The following ANXA6 variants were observed in gnomAD, a reference collection of about 807,000 sequenced individuals.
The protein encoded by ANXA6 is 67 kDa calelectrin.
In ANXA6, 71 loss-of-function variants were observed where a neutral mutation model predicts 95.4. The observed-to-expected ratio is 0.74, with a 90% confidence interval of 0.61 to 0.91. ANXA6 has a LOEUF of 0.91. Among genes scored for constraint, ANXA6 ranks in the 40% least tolerant of loss-of-function variants. The pLI is 0.00. For synonymous variants in ANXA6, 289 were observed against 315.9 expected (o/e 0.91, Z 0.90); for missense variants, 830 against 876.4 (o/e 0.95, Z 0.67).
Position 151,129,466 on chromosome 5 carries a change from G to T in ANXA6, c.859C>A (p.Leu287Ile). The change falls in exon 12 of 26, where the codon CTC becomes ATC. Residue 287 changes from leucine to isoleucine, a missense_variant. By Grantham distance (5) the Leu-to-Ile change is conservative. Coordinates refer to ENST00000354546, the MANE Select transcript of ANXA6 (RefSeq NM_001155.5). Reference sequence around the variant, plus strand: ...GTCCGGAAGATCTCCCGAATGTCGAGCATGTCCAACTCACTACGGGAGACC... The same window carrying T: ...GTCCGGAAGATCTCCCGAATGTCGATCATGTCCAACTCACTACGGGAGACC... ...IMVSRSELDM[L>I]DIREIFRTKY... 3 of 1,613,172 alleles carry T rather than the reference G, an allele frequency of 1.9e-6. No individual in the cohort carries two copies. The highest frequency in any genetic ancestry group is 2.2e-5 in the South Asian group (2 of 90,916).
intron 13 of ANXA6, among the ~76,000 whole-genome samples, chr5:151,127,595 G>A (rs543807187): frequency 6.6e-6 from 1 of 152,228 alleles, no homozygotes; most frequent in South Asian, 2.1e-4. Context: ...GGGTCTCACC[G>A]TGTATCTCCA....
At chr5:151,133,802 C>T (rs550923602) in intron 8 of ANXA6, among the ~76,000 whole-genome samples, 4 of 152,308 alleles carry the variant, frequency 2.6e-5, no homozygotes, top group South Asian at 2.1e-4. Flanking sequence ...AAGTACTTCC[C>T]GATGCCCCCA....
At chr5:151,136,200 G>A (rs1298663102) in intron 7 of ANXA6, 56 bp downstream of exon 7, 14 of 1,559,516 alleles carry the variant, frequency 9.0e-6, no homozygotes, top group Non-Finnish European at 1.2e-5. Context: ...ACACCCAGAT[G>A]AGCCAGACAA....
At chr5:151,152,312 T>G (rs960258169) in intron 1 of ANXA6, among the ~76,000 whole-genome samples, 1 of 152,230 alleles carries the variant, frequency 6.6e-6, no homozygotes, top group Admixed American at 6.5e-5. Flanking sequence ...AATGGTGGCT[T>G]TTATTATAAT....
At chr5:151,149,921 C>A (rs1766067941) in intron 1 of ANXA6, among the ~76,000 whole-genome samples, 1 of 152,202 alleles carries the variant, frequency 6.6e-6, no homozygotes, top group East Asian at 1.9e-4. Flanking sequence ...AAGTTTGAGA[C>A]CAGCCTGGCC....
chr5:151,125,671 G>A (rs1407039710), intron 14 of ANXA6, among the ~76,000 whole-genome samples: 2 of 152,128 alleles, frequency 1.3e-5, no homozygotes, highest in Non-Finnish European at 2.9e-5. Context: ...TTCACTCTGT[G>A]GAGTTCAGCG....
chr5:151,152,202 G>A lies in ANXA6; in HGVS notation c.-25-4276C>T, dbSNP rs189995701. ...AAACTGAATCTCAATTTCCACATCC[G>A]CAAAATGCAGATAGAAATACCTATA... is the stretch of plus-strand genomic sequence containing the variant. On this transcript the variant is annotated intron_variant, in intron 1 of 25. Coordinates refer to ENST00000354546, the MANE Select transcript of ANXA6 (RefSeq NM_001155.5). Among the ~76,000 whole-genome samples, 378 of 152,336 alleles carry A rather than the reference G, an allele frequency of 2.5e-3. 2 individuals are homozygous for A. The highest frequency in any genetic ancestry group is 5.1e-3 in the Admixed American group (78 of 15,294).
At chr5:151,153,509 T>A (rs186010467) in intron 1 of ANXA6, among the ~76,000 whole-genome samples, 1 of 152,320 alleles carries the variant, frequency 6.6e-6, no homozygotes, top group Admixed American at 6.5e-5. Flanking sequence ...TTTGACTGGC[T>A]TTGGTCAACC....
intron 24 of ANXA6, among the ~76,000 whole-genome samples, chr5:151,104,644 G>A (rs994687458): frequency 6.6e-6 from 1 of 152,192 alleles, no homozygotes; most frequent in Non-Finnish European, 1.5e-5. Context: ...AGGGTCTCAG[G>A]TTCCTTCCTA....
chr5:151,120,404 G>A (rs1396463963), intron 17 of ANXA6, among the ~76,000 whole-genome samples: 2 of 137,008 alleles, frequency 1.5e-5, no homozygotes, highest in African/African-American at 5.6e-5. Flanking sequence ...CAAGGTGCTG[G>A]GGCTACAACT....
At chr5:151,147,290 C>G (rs1157281790) in intron 2 of ANXA6, among the ~76,000 whole-genome samples, 3 of 152,236 alleles carry the variant, frequency 2.0e-5, no homozygotes, top group African/African-American at 7.2e-5. Context: ...GAGAAGTCAA[C>G]AAGGATGTCT....
At chr5:151,145,774 C>T (rs1370707022) in intron 2 of ANXA6, among the ~76,000 whole-genome samples, 3 of 152,074 alleles carry the variant, frequency 2.0e-5, no homozygotes, top group Non-Finnish European at 4.4e-5. Flanking sequence ...CTTCTGCAAC[C>T]CTCACCTCTC....
rs542124145 is a variant in ANXA6 at position 151,109,801 on chromosome 5, G to C, written c.1636C>G (p.Arg546Gly). ...CGGGTACACAGGATCGTCATGAAACGTGTCTCCAAGGAAGTTTTGTCTCCA... is the reference window on the plus strand; with the variant it reads ...CGGGTACACAGGATCGTCATGAAACCTGTCTCCAAGGAAGTTTTGTCTCCA... ...PSGDKTSLET[R>G]FMTILCTRSY... is the part of the protein sequence containing the mutation. The change falls in exon 22 of 26, where the codon CGT becomes GGT. Residue 546 changes from arginine (R) to glycine (G), a missense_variant. Arg to Gly is a moderately radical substitution (Grantham distance 125). Coordinates refer to ENST00000354546, the MANE Select transcript of ANXA6 (RefSeq NM_001155.5). 1.2e-6 allele frequency: 2 copies of C among 1,611,322 alleles called. No individual in the cohort carries two copies. Among genetic ancestry groups the C allele is most frequent in the African/African-American group, 2.7e-5 (2 of 74,864 alleles).
intron 25 of ANXA6, 54 bp downstream of exon 25, chr5:151,103,516 A>G: frequency 6.4e-7 from 1 of 1,560,456 alleles, no homozygotes; most frequent in Non-Finnish European, 8.7e-7. Flanking sequence ...CTAATCTTAT[A>G]TTAGGGATCT....
In ANXA6 at chr5:151,147,938, A is replaced by G; in HGVS notation, c.-25-12T>C. On this transcript the variant is annotated splice_polypyrimidine_tract_variant and intron_variant, in intron 1 of 25. Coordinates refer to ENST00000354546, the MANE Select transcript of ANXA6 (RefSeq NM_001155.5). Reference sequence around the variant, plus strand: ...CGCAGCAGAATCCACTGTAGAGAAGAAAGACAGCATGTGAGATTCCCCCCA... The same window carrying G: ...CGCAGCAGAATCCACTGTAGAGAAGGAAGACAGCATGTGAGATTCCCCCCA... The G allele has an allele frequency of 6.3e-7, 1 of 1,599,838 alleles. No homozygotes were observed. The highest frequency in any genetic ancestry group is 8.5e-7 in the Non-Finnish European group (1 of 1,172,768).
chr5:151,131,169 C>T, intron 11 of ANXA6, 62 bp downstream of exon 11: 2 of 1,566,484 alleles, frequency 1.3e-6, no homozygotes, highest in Non-Finnish European at 1.8e-6. Flanking sequence ...ATCCCAAGGA[C>T]TTGTCAAAGA....
At position 151,117,785 on chromosome 5, in the gene ANXA6, G is replaced by T; in HGVS notation, c.1491C>A (p.Phe497Leu). 1 of 1,613,858 alleles carries T rather than the reference G, an allele frequency of 6.2e-7. No individual in the cohort carries two copies. Among genetic ancestry groups the T allele is most frequent in the Non-Finnish European group, 8.5e-7 (1 of 1,179,810 alleles). The change falls in exon 19 of 26, where the codon TTC (phenylalanine) becomes TTA (leucine). Residue 497 changes from phenylalanine to leucine, a missense_variant. Coordinates refer to ENST00000354546, the MANE Select transcript of ANXA6 (RefSeq NM_001155.5). ...DALSSDTSGHFRRILISLATG... is the reference protein window; with the variant it reads ...DALSSDTSGHLRRILISLATG... ...TGGCCAGAGAAATGAGGATCCTCCT[G>T]AAGTGGCCAGATGTGTCTGAGCTCA...
chr5:151,143,178 C>T (rs960791481), intron 2 of ANXA6, among the ~76,000 whole-genome samples: 1 of 152,146 alleles, frequency 6.6e-6, no homozygotes, highest in African/African-American at 2.4e-5. Flanking sequence ...AGAGGCCCAG[C>T]TGGGAAGGGA....
chr5:151,131,280 A>G lies in ANXA6; in HGVS notation c.746T>C (p.Ile249Thr), dbSNP rs1316074026. Residue 249 changes from isoleucine to threonine, a missense_variant, in exon 11 of 26, where the codon ATC (isoleucine) becomes ACC (threonine). Transcript: ENST00000354546. ...EKLMLAVVKCIRSTPEYFAER... is the reference protein window; with the variant it reads ...EKLMLAVVKCTRSTPEYFAER... ...AGCAAAATATTCCGGGGTGCTCCGG[A>G]TACACTTCACTGTGAAGAGGGAGGA... is the stretch of plus-strand genomic sequence containing the variant. 1 of 1,613,986 alleles carries G rather than the reference A, an allele frequency of 6.2e-7. No individual in the cohort carries two copies.
Sources: gnomAD v4.1 joint callset for allele counts (sites outside exome capture counted in the v4.1 genomes callset) on GRCh38, gnomAD v4.1.1 for gene constraint, MANE v1.5 for transcripts, NCBI Gene and HGNC (gene_info 2026-07-23, HGNC 2026-07-21) for gene names.